Variants in CDK15 observed in about 807,000 individuals in gnomAD.
CDK15 encodes cyclin dependent kinase 15, also known as cyclin-dependent kinase 15.
In CDK15, 62 loss-of-function variants were observed where a neutral mutation model predicts 60.3. That is an observed-to-expected ratio of 1.03 (90% CI 0.84 to 1.27). The LOEUF (loss-of-function observed/expected upper bound fraction) is 1.27. Ranked by LOEUF, CDK15 falls within the 50% of genes most tolerant of loss-of-function variation. The pLI is 0.00. For synonymous variants in CDK15, 194 were observed against 195.7 expected (o/e 0.99, Z 0.07); for missense variants, 541 against 527.8 (o/e 1.03, Z -0.25).
intron 8 of CDK15, among the ~76,000 whole-genome samples, chr2:201,836,209 A>T (rs1384658201): frequency 1.4e-4 from 17 of 123,426 alleles, no homozygotes; most frequent in South Asian, 2.3e-4. Flanking sequence ...ATATATATGT[A>T]TTTTTTTTTT....
At chr2:201,822,739 C>A (rs1696285671) in intron 4 of CDK15, 70 bp from the exon 5 acceptor site, 18 of 821,928 alleles carry the variant, frequency 2.2e-5, no homozygotes, top group Admixed American at 4.1e-5. Flanking sequence ...AAAATATATA[C>A]CGTCTGATAT....
At chr2:201,887,204 T>C (rs983794636) in intron 12 of CDK15, among the ~76,000 whole-genome samples, 1 of 152,164 alleles carries the variant, frequency 6.6e-6, no homozygotes, top group Non-Finnish European at 1.5e-5. Flanking sequence ...ATTAATAGAA[T>C]TGTGTGATAT....
At chr2:201,809,731 A>C (rs866881283) in intron 3 of CDK15, among the ~76,000 whole-genome samples, 1 of 152,128 alleles carries the variant, frequency 6.6e-6, no homozygotes, top group Non-Finnish European at 1.5e-5. Context: ...CCTACCCTCC[A>C]TTCCCCGGCA....
chr2:201,888,837 G>A (rs928659518), intron 12 of CDK15: 24 of 1,077,622 alleles, frequency 2.2e-5, no homozygotes, highest in Non-Finnish European at 2.6e-5. Flanking sequence ...ACTTCTCCCC[G>A]AGAGAAGTTC....
intron 11 of CDK15, 82 bp from the exon 12 acceptor site, chr2:201,879,946 T>C: frequency 3.3e-6 from 5 of 1,520,984 alleles, no homozygotes; most frequent in Non-Finnish European, 4.4e-6. Flanking sequence ...CATCTCCTTT[T>C]CTTTACTTTT....
At chr2:201,832,287 C>T (rs540286528) in intron 6 of CDK15, among the ~76,000 whole-genome samples, 18 of 152,310 alleles carry the variant, frequency 1.2e-4, no homozygotes, top group Non-Finnish European at 2.1e-4. Context: ...CTCAGGTGAT[C>T]CGCTCGCTTT....
In CDK15 at chr2:201,890,871, G is replaced by A; in HGVS notation, c.1285G>A (p.Ala429Thr). The A allele has an allele frequency of 6.2e-7, 1 of 1,613,400 alleles. No individual in the cohort carries two copies. The highest frequency in any genetic ancestry group is 8.5e-7 in the Non-Finnish European group (1 of 1,179,550). Residue 429 changes from alanine to threonine, a missense_variant, in exon 13 of 14, where the codon GCC (alanine) becomes ACC (threonine). Coordinates refer to ENST00000652192, the MANE Select transcript of CDK15 (RefSeq NM_001366386.2). ...CTCCTACCAGAAAGGTCACCACCCA[G>A]CCCAGTTTAGCAAATGCTGGTGAAA... is the stretch of plus-strand genomic sequence containing the variant. ...LASYQKGHHP[A>T]QFSKCW is the part of the protein sequence containing the mutation.
At chr2:201,872,552 T>C (rs1698894290) in intron 11 of CDK15, among the ~76,000 whole-genome samples, 1 of 152,112 alleles carries the variant, frequency 6.6e-6, no homozygotes, top group South Asian at 2.1e-4. Flanking sequence ...TTGTTTTGTG[T>C]CCCTCAGCCA....
At chr2:201,868,452 C>A (rs554598891) in intron 10 of CDK15, among the ~76,000 whole-genome samples, 1 of 152,218 alleles carries the variant, frequency 6.6e-6, no homozygotes, top group South Asian at 2.1e-4. Context: ...CTGCCCATAA[C>A]TTTTCAAAGG....
chr2:201,814,466 A>G (rs1372252175), intron 4 of CDK15, among the ~76,000 whole-genome samples: 1 of 152,212 alleles, frequency 6.6e-6, no homozygotes, highest in African/African-American at 2.4e-5. Context: ...ACACCACTAT[A>G]AAAGCTTGGA....
chr2:201,889,054 G>A (rs923869768), intron 12 of CDK15: 26 of 985,282 alleles, frequency 2.6e-5, no homozygotes, highest in Admixed American at 2.5e-4. Flanking sequence ...TGGAATATGC[G>A]ATTCCAAATA....
intron 4 of CDK15, among the ~76,000 whole-genome samples, chr2:201,820,811 C>G (rs1416646306): frequency 6.6e-6 from 1 of 152,106 alleles, no homozygotes; most frequent in Non-Finnish European, 1.5e-5. Context: ...ATTACATTTA[C>G]AAAGCAACAC....
Position 201,806,748 on chromosome 2 carries a change from TCGGAGG to T in CDK15, c.85_90del (p.Arg29_Arg30del), listed in dbSNP as rs1257100782. The T allele has an allele frequency of 1.3e-6, 2 of 1,598,414 alleles. No individual in the cohort carries two copies. Among genetic ancestry groups the T allele is most frequent in the Non-Finnish European group, 1.7e-6 (2 of 1,179,736 alleles). On this transcript the variant is annotated inframe_deletion, in exon 1 of 14. Coordinates refer to ENST00000652192, the MANE Select transcript of CDK15 (RefSeq NM_001366386.2). The stretch of plus-strand genomic sequence containing the variant: ...CAGAGGGAGGCGAGGCACACAGCTG[TCGGAGG>T]AGTCAGCCTGAGACCACGGAGGCTG...
intron 10 of CDK15, among the ~76,000 whole-genome samples, chr2:201,858,938 C>T (rs1252542005): frequency 1.3e-5 from 2 of 152,160 alleles, no homozygotes; most frequent in African/African-American, 4.8e-5. Flanking sequence ...AACACTCACC[C>T]TCCTCCGGCA....
At chr2:201,835,104 A>G (rs1294590283) in intron 7 of CDK15, among the ~76,000 whole-genome samples, 1 of 152,214 alleles carries the variant, frequency 6.6e-6, no homozygotes, top group East Asian at 1.9e-4. Flanking sequence ...TGAACAGCTC[A>G]GTTTCTGTTA....
intron 8 of CDK15, among the ~76,000 whole-genome samples, chr2:201,836,879 T>C (rs1697117980): frequency 6.6e-6 from 1 of 151,980 alleles, no homozygotes; most frequent in African/African-American, 2.4e-5. Flanking sequence ...CAATTAACTC[T>C]GGATTCTGTT....
intron 4 of CDK15, among the ~76,000 whole-genome samples, chr2:201,820,615 C>T (rs1696178602): frequency 6.6e-6 from 1 of 152,158 alleles, no homozygotes; most frequent in African/African-American, 2.4e-5. Context: ...GGGCTTCTGG[C>T]TCCACAGACA....
chr2:201,843,817 C>T (rs527694362), intron 8 of CDK15, among the ~76,000 whole-genome samples: 9 of 152,194 alleles, frequency 5.9e-5, no homozygotes, highest in South Asian at 2.1e-4. Flanking sequence ...ATGGTACTTA[C>T]GTAATGGCCT....
chr2:201,885,171 C>G (rs1699413748), intron 12 of CDK15, among the ~76,000 whole-genome samples: 1 of 152,154 alleles, frequency 6.6e-6, no homozygotes, highest in Non-Finnish European at 1.5e-5. Flanking sequence ...TTTTTCTTAC[C>G]ATCGTATGCC....
Sources: allele counts gnomAD v4.1 joint callset (sites outside exome capture counted in the v4.1 genomes callset), GRCh38; gene constraint gnomAD v4.1.1; transcripts MANE v1.5; gene names NCBI Gene and HGNC (gene_info 2026-07-23, HGNC 2026-07-21).